The following ARHGAP12 variants were observed in gnomAD, a reference collection of about 807,000 sequenced individuals.
ARHGAP12 encodes the protein Rho GTPase activating protein 12.
ARHGAP12 carries 64 observed loss-of-function variants against 108.6 expected under a neutral mutation model. The observed-to-expected ratio is 0.59, with a 90% CI of 0.48 to 0.73. ARHGAP12 has a LOEUF of 0.73. Among genes scored for constraint, ARHGAP12 ranks in the 30% least tolerant of loss-of-function variants. ARHGAP12 has a pLI of 0.00. For missense variants in ARHGAP12, 940 were observed against 1,005.9 expected (o/e 0.93, Z 0.89); for synonymous variants, 312 against 337.2 (o/e 0.93, Z 0.82).
intron 11 of ARHGAP12, among the ~76,000 whole-genome samples, chr10:31,825,443 A>C (rs1055212553): frequency 6.6e-6 from 1 of 152,196 alleles, no homozygotes; most frequent in African/African-American, 2.4e-5. Context: ...GAGCATTAGC[A>C]CTTCAAACTC....
Position 31,908,598 on chromosome 10 carries a change from A to T in ARHGAP12, c.258T>A (p.Gly86=). The T allele has an allele frequency of 6.2e-7, 1 of 1,614,206 alleles. No homozygotes were observed. The highest frequency in any genetic ancestry group is 8.5e-7 in the Non-Finnish European group (1 of 1,180,032). The stretch of plus-strand genomic sequence containing the variant: ...TTATTTTCGTGGAGTTATTTGGCAG[A>T]CCAGCTACCTGCTTAACAGGTGGCA... The part of the protein sequence containing the change: ...ALMPPVKQVA[G]LPNNSTKIMQ... Residue 86 remains glycine (G), a synonymous_variant, in exon 3 of 20, where the codon GGT becomes GGA. Transcript: ENST00000344936.
intron 3 of ARHGAP12, among the ~76,000 whole-genome samples, chr10:31,897,295 C>T (rs1351831388): frequency 1.3e-5 from 2 of 152,150 alleles, no homozygotes; most frequent in Non-Finnish European, 2.9e-5. Flanking sequence ...GACTCCACAT[C>T]CCTGGTCTTG....
At chr10:31,846,899 ATTT>A (rs377177944) in intron 6 of ARHGAP12, among the ~76,000 whole-genome samples, 51 of 84,614 alleles carry the variant, frequency 6.0e-4, no homozygotes, top group African/African-American at 2.2e-3. Flanking sequence ...GGCACTGTTC[ATTT>A]TTTTTTTTTT....
chr10:31,887,125 G>A (rs1838218497), intron 3 of ARHGAP12, among the ~76,000 whole-genome samples: 1 of 152,172 alleles, frequency 6.6e-6, no homozygotes, highest in Admixed American at 6.6e-5. Context: ...TGTACTTGTG[G>A]AGGCTTGGCA....
chr10:31,916,924 T>C (rs777989334), intron 1 of ARHGAP12, among the ~76,000 whole-genome samples: 1 of 152,088 alleles, frequency 6.6e-6, no homozygotes, highest in Non-Finnish European at 1.5e-5. Context: ...CGAAACATAA[T>C]GTATCTTAAT....
In ARHGAP12 at chr10:31,805,549, T is replaced by C. The variant is rs1300271579; in HGVS notation, c.*2109A>G. Reference sequence around the variant, plus strand: ...TGTTATTACAAAACAAGTGAGAATTTTTAATTCACAAAGGATGAAAACGCA... The same window carrying C: ...TGTTATTACAAAACAAGTGAGAATTCTTAATTCACAAAGGATGAAAACGCA... On this transcript the variant is annotated 3_prime_UTR_variant, in exon 20 of 20. Coordinates refer to ENST00000344936, the MANE Select transcript of ARHGAP12 (RefSeq NM_018287.7). The C allele has an allele frequency of 6.6e-6, 1 of 152,090 alleles. No homozygotes were observed. The highest frequency in any genetic ancestry group is 1.5e-5 in the Non-Finnish European group (1 of 68,010). 9.4% of individuals were successfully genotyped at this position (152,090 alleles called of 1,614,324 possible).
intron 3 of ARHGAP12, among the ~76,000 whole-genome samples, chr10:31,897,872 T>C (rs1220684792): frequency 1.3e-5 from 2 of 152,176 alleles, no homozygotes; most frequent in Non-Finnish European, 2.9e-5. Context: ...ACTCCTGTAA[T>C]CCCAGCACTT....
chr10:31,854,326 A>G (rs759910649), intron 4 of ARHGAP12, 120 bp from the exon 5 acceptor site: 6 of 885,224 alleles, frequency 6.8e-6, no homozygotes, highest in South Asian at 2.1e-5. Context: ...ATATATCTGA[A>G]TATTTGATTT....
intron 5 of ARHGAP12, 131 bp from the exon 6 acceptor site, chr10:31,852,728 T>C: frequency 3.1e-6 from 1 of 323,382 alleles, no homozygotes; most frequent in Non-Finnish European, 5.3e-6. Flanking sequence ...AACAAAAAAT[T>C]CTTTTTTTTT....
intron 3 of ARHGAP12, among the ~76,000 whole-genome samples, chr10:31,880,738 A>G (rs1032274794): frequency 2.0e-5 from 3 of 152,110 alleles, no homozygotes; most frequent in East Asian, 1.9e-4. Context: ...TTATATTCAT[A>G]TATTCACTTA....
intron 12 of ARHGAP12, among the ~76,000 whole-genome samples, chr10:31,819,019 C>T (rs1186413702): frequency 6.6e-6 from 1 of 151,688 alleles, no homozygotes; most frequent in East Asian, 1.9e-4. Flanking sequence ...GTTATAGGTT[C>T]TTATTTAAAG....
intron 1 of ARHGAP12, among the ~76,000 whole-genome samples, chr10:31,911,202 T>G (rs1364403658): frequency 6.6e-6 from 1 of 152,032 alleles, no homozygotes; most frequent in Non-Finnish European, 1.5e-5. Flanking sequence ...TTTTGCATTT[T>G]TATTAGAGAT....
intron 3 of ARHGAP12, among the ~76,000 whole-genome samples, chr10:31,907,187 CA>C (rs1259803824): frequency 1.8e-4 from 27 of 152,202 alleles, no homozygotes; most frequent in African/African-American, 6.0e-4. Flanking sequence ...AACTTCAAGC[CA>C]AAAACTCATT....
chr10:31,882,828 A>G (rs937074312), intron 3 of ARHGAP12, among the ~76,000 whole-genome samples: 2 of 151,672 alleles, frequency 1.3e-5, no homozygotes, highest in Non-Finnish European at 2.9e-5. Flanking sequence ...AAGAAAAAAA[A>G]AAAAAAAAAC....
At chr10:31,852,837 C>T (rs534523837) in intron 5 of ARHGAP12, among the ~76,000 whole-genome samples, 8 of 151,566 alleles carry the variant, frequency 5.3e-5, no homozygotes, top group African/African-American at 1.9e-4. Flanking sequence ...AGCAATTCTC[C>T]CGCATCAGCC....
rs537306770 is a variant in ARHGAP12 at position 31,876,578 on chromosome 10, C to T, written c.685-14920G>A. Among the ~76,000 whole-genome samples, 32 of 149,398 alleles carry T rather than the reference C, an allele frequency of 2.1e-4. 1 individual carries two copies. The highest frequency in any genetic ancestry group is 3.3e-4 in the Admixed American group (5 of 15,054). ...AAAAAAAACCCACTAATACTTTACA[C>T]GTTTTCTACTCCACAACATCTTACA... On this transcript the variant is annotated intron_variant, in intron 3 of 19. Coordinates refer to ENST00000344936, the MANE Select transcript of ARHGAP12 (RefSeq NM_018287.7).
At chr10:31,853,622 C>A (rs1836780209) in intron 5 of ARHGAP12, among the ~76,000 whole-genome samples, 1 of 152,074 alleles carries the variant, frequency 6.6e-6, no homozygotes, top group Admixed American at 6.6e-5. Flanking sequence ...CATAAAATGT[C>A]AATATTCATT....
chr10:31,834,552 T>C (rs549301598), intron 9 of ARHGAP12, among the ~76,000 whole-genome samples: 1 of 152,346 alleles, frequency 6.6e-6, no homozygotes, highest in Admixed American at 6.5e-5. Context: ...GTTTATATTT[T>C]TGCTATACCA....
At chr10:31,826,436 C>T in intron 10 of ARHGAP12, 51 bp from the exon 11 acceptor site, 1 of 1,497,634 alleles carries the variant, frequency 6.7e-7, no homozygotes, top group South Asian at 1.2e-5. Flanking sequence ...GTTCTTTCAG[C>T]CAAATTCAAA....
Sources: allele counts gnomAD v4.1 joint callset (sites outside exome capture counted in the v4.1 genomes callset), GRCh38; gene constraint gnomAD v4.1.1; transcripts MANE v1.5; gene names NCBI Gene and HGNC (gene_info 2026-07-23, HGNC 2026-07-21).